Variants in FLNB observed in about 807,000 individuals in gnomAD.
FLNB encodes filamin-B.
A neutral mutation model predicts 250.6 loss-of-function variants in FLNB; 111 were observed. The ratio of observed to expected loss-of-function variants is 0.44; its 90% CI spans 0.38 to 0.52. The LOEUF is 0.52. Ranked by LOEUF, FLNB falls within the 20% of genes least tolerant of loss-of-function variation. The pLI is 0.00. For missense variants in FLNB, 2,869 were observed against 3,447.8 expected (o/e 0.83, Z 4.20); for synonymous variants, 1,302 against 1,372.1 (o/e 0.95, Z 1.13).
intron 20 of FLNB, among the ~76,000 whole-genome samples, chr3:58,122,359 G>A (rs1194867949): frequency 6.6e-6 from 1 of 151,468 alleles, no homozygotes; most frequent in Non-Finnish European, 1.5e-5. Flanking sequence ...TGGGTGTGGT[G>A]ACGCATGCCT....
intron 4 of FLNB, among the ~76,000 whole-genome samples, chr3:58,082,541 C>T (rs6802426): frequency 0.72 from 109,548 of 151,928 alleles, 40,270 homozygotes; most frequent in East Asian, 1. Flanking sequence ...GAGGCCGAGG[C>T]GGGCAGATCA....
rs193213627 is a variant in FLNB at position 58,129,744 on chromosome 3, A to C, written c.4223-997A>C. On this transcript the variant is annotated intron_variant, in intron 24 of 45. Coordinates refer to ENST00000295956, the MANE Select transcript of FLNB (RefSeq NM_001457.4). The stretch of plus-strand genomic sequence containing the variant: ...CCCTCAGCTTTCACGGCAGTCATTA[A>C]CTTTGCCAGATACCATGGGGAGCAC... 3.0e-3 allele frequency among the ~76,000 whole-genome samples: 459 copies of C among 152,264 alleles called. 5 individuals carry two copies. Among genetic ancestry groups the C allele is most frequent in the African/African-American group, 0.011 (445 of 41,562 alleles).
At chr3:58,141,813 C>T (rs1203476263) in intron 29 of FLNB, 45 bp from the exon 30 acceptor site, 3 of 1,536,602 alleles carry the variant, frequency 2.0e-6, no homozygotes, top group Middle Eastern at 1.7e-4. Context: ...CTGAGTGTAT[C>T]CTTCCAGTAT....
At chr3:58,010,633 A>G (rs9879142) in intron 1 of FLNB, among the ~76,000 whole-genome samples, 1,623 of 152,308 alleles carry the variant, frequency 0.011, 30 homozygotes, top group African/African-American at 0.035. Flanking sequence ...CTCAATTTGG[A>G]TCTGTTCTTT....
chr3:58,094,684 A>C (rs1401909134), intron 4 of FLNB, 152 bp from the exon 5 acceptor site: 1 of 747,828 alleles, frequency 1.3e-6, no homozygotes, highest in Non-Finnish European at 2.5e-6. Context: ...GACCTGCCTG[A>C]TTTTCCTTGT....
chr3:58,125,848 A>T (rs1288603321), intron 23 of FLNB, 105 bp downstream of exon 23: 12 of 1,127,784 alleles, frequency 1.1e-5, no homozygotes, highest in Non-Finnish European at 5.3e-6. Flanking sequence ...TTTTATTTTT[A>T]TAACATGTAT....
At chr3:58,056,347 T>C (rs9814456) in intron 1 of FLNB, among the ~76,000 whole-genome samples, 8,761 of 151,954 alleles carry the variant, frequency 0.058, 805 homozygotes, top group African/African-American at 0.2. Flanking sequence ...GTGATCTGCC[T>C]ACCTCGGGCT....
chr3:58,042,871 G>A (rs2097148079), intron 1 of FLNB, among the ~76,000 whole-genome samples: 2 of 152,042 alleles, frequency 1.3e-5, no homozygotes, highest in South Asian at 4.2e-4. Context: ...ATTTTTACCC[G>A]ACTTGTGATT....
chr3:58,030,192 A>T (rs1203400323), intron 1 of FLNB, among the ~76,000 whole-genome samples: 1 of 152,144 alleles, frequency 6.6e-6, no homozygotes, highest in Admixed American at 6.5e-5. Context: ...GCCCTGAGAC[A>T]TTGTGTATGG....
Position 58,017,960 on chromosome 3 carries a change from A to G in FLNB, c.292+9104A>G, listed in dbSNP as rs1360750669. On this transcript the variant is annotated intron_variant, in intron 1 of 45. Transcript: ENST00000295956. ...TCTGGCTTTTCTAAGCAGCGCATGT[A>G]AAAAGCTTGGCAAGGAGGACCCTTG... is the stretch of plus-strand genomic sequence containing the variant. Among the ~76,000 whole-genome samples the G allele has an allele frequency of 2.0e-5, 3 of 152,268 alleles. No individual in the cohort carries two copies. In the South Asian group the frequency reaches 6.2e-4, roughly 32 times the overall value.
chr3:58,122,973 CAAGAG>C, intron 20 of FLNB, 115 bp from the exon 21 acceptor site: 1 of 926,462 alleles, frequency 1.1e-6, no homozygotes, highest in Non-Finnish European at 1.8e-6. Context: ...CATAAAGCCC[CAAGAG>C]AAGGGCTGCC....
At chr3:58,066,576 T>C (rs1334214950) in intron 1 of FLNB, among the ~76,000 whole-genome samples, 1 of 152,242 alleles carries the variant, frequency 6.6e-6, no homozygotes, top group African/African-American at 2.4e-5. Context: ...GTTTTGACTT[T>C]TAAAGGATTT....
At chr3:58,153,967 A>G (rs957719692) in intron 39 of FLNB, among the ~76,000 whole-genome samples, 3 of 152,212 alleles carry the variant, frequency 2.0e-5, no homozygotes, top group African/African-American at 4.8e-5. Flanking sequence ...GGAACATACT[A>G]GAAAGCTACA....
At chr3:58,135,812 G>T (rs2097314931) in intron 27 of FLNB, among the ~76,000 whole-genome samples, 167 bp from the exon 28 acceptor site, 1 of 152,102 alleles carries the variant, frequency 6.6e-6, no homozygotes, top group African/African-American at 2.4e-5. Context: ...AGGGATCTGT[G>T]ACCCTCTACT....
chr3:58,166,406 A>G (rs2097370572), intron 43 of FLNB, among the ~76,000 whole-genome samples: 2 of 152,082 alleles, frequency 1.3e-5, no homozygotes, highest in African/African-American at 4.8e-5. Flanking sequence ...CCTGGGTGAC[A>G]TAGTAAAACT....
intron 1 of FLNB, among the ~76,000 whole-genome samples, chr3:58,041,105 G>T (rs528074020): frequency 6.6e-6 from 1 of 152,090 alleles, no homozygotes; most frequent in African/African-American, 2.4e-5. Flanking sequence ...CTACATTTAC[G>T]GTCACCTAGC....
intron 2 of FLNB, 41 bp from the exon 3 acceptor site, chr3:58,078,676 G>A: frequency 6.3e-7 from 1 of 1,579,606 alleles, no homozygotes. Context: ...AATCTCTTTG[G>A]TCAGCTAATG....
intron 1 of FLNB, among the ~76,000 whole-genome samples, chr3:58,076,066 C>T (rs2097201271): frequency 6.6e-6 from 1 of 152,126 alleles, no homozygotes. Context: ...GGCACTTATC[C>T]TCCTCACAAC....
chr3:58,064,274 G>A (rs2097182367), intron 1 of FLNB, among the ~76,000 whole-genome samples: 1 of 152,104 alleles, frequency 6.6e-6, no homozygotes, highest in South Asian at 2.1e-4. Flanking sequence ...CCAAATAGCT[G>A]GAACTACAGG....
Sources: gnomAD v4.1 joint callset for allele counts (sites outside exome capture counted in the v4.1 genomes callset) on GRCh38, gnomAD v4.1.1 for gene constraint, MANE v1.5 for transcripts, NCBI Gene and HGNC (gene_info 2026-07-23, HGNC 2026-07-21) for gene names.